PTPRG: variants seen among roughly 807,000 people sequenced by gnomAD.
The protein encoded by PTPRG is protein tyrosine phosphatase receptor type G, also known as receptor-type tyrosine-protein phosphatase gamma.
Under a neutral mutation model 165.3 loss-of-function variants are expected in PTPRG, and 102 were observed. That is an observed-to-expected ratio of 0.62 (90% CI 0.53 to 0.73). The LOEUF is 0.73. Ranked by LOEUF, PTPRG falls within the 30% of genes least tolerant of loss-of-function variation. The pLI is 0.00. For synonymous variants in PTPRG, 675 were observed against 669.5 expected, an observed-to-expected ratio of 1.01 and a Z score of -0.13; for missense variants, 1,866 against 1,861.4, an observed-to-expected ratio of 1.00 and a Z score of -0.05.
chr3:61,740,922 A>G (rs1442691071), intron 1 of PTPRG, among the ~76,000 whole-genome samples: 2 of 152,260 alleles, frequency 1.3e-5, no homozygotes, highest in Admixed American at 1.3e-4. Context: ...AGGACCATTT[A>G]TAATGCAGTG....
intron 2 of PTPRG, among the ~76,000 whole-genome samples, chr3:61,926,471 G>C (rs930756303): frequency 2.6e-5 from 4 of 151,990 alleles, no homozygotes; most frequent in Admixed American, 1.3e-4. Context: ...GGCCTTCCCA[G>C]AAGCCAAGTA....
At chr3:61,738,068 C>T (rs1003749057) in intron 1 of PTPRG, among the ~76,000 whole-genome samples, 2 of 150,032 alleles carry the variant, frequency 1.3e-5, no homozygotes, top group African/African-American at 4.9e-5. Flanking sequence ...GCTACCGCAC[C>T]CGGCTAATTT....
At chr3:61,682,332 G>A (rs1257227593) in intron 1 of PTPRG, among the ~76,000 whole-genome samples, 3 of 152,004 alleles carry the variant, frequency 2.0e-5, no homozygotes, top group Non-Finnish European at 4.4e-5. Context: ...GAGTATTTGG[G>A]GTCCAAGGGG....
chr3:62,010,954 G>A (rs2041407364), intron 4 of PTPRG, among the ~76,000 whole-genome samples: 1 of 152,184 alleles, frequency 6.6e-6, no homozygotes, highest in African/African-American at 2.4e-5. Flanking sequence ...GTGGACACCA[G>A]AGAGTGAGTG....
intron 1 of PTPRG, among the ~76,000 whole-genome samples, chr3:61,624,985 C>T (rs935609218): frequency 6.6e-6 from 1 of 151,926 alleles, no homozygotes; most frequent in African/African-American, 2.4e-5. Context: ...TGGATCTGTC[C>T]AACTTTCTTT....
intron 2 of PTPRG, among the ~76,000 whole-genome samples, chr3:61,767,404 T>C (rs1223517271): frequency 7.2e-5 from 11 of 152,186 alleles, no homozygotes; most frequent in Non-Finnish European, 1.0e-4. Flanking sequence ...ATTTTCCCCA[T>C]GTAGACAAAT....
intron 2 of PTPRG, among the ~76,000 whole-genome samples, chr3:61,942,580 A>G (rs1305628863): frequency 1.3e-5 from 2 of 152,218 alleles, no homozygotes; most frequent in Non-Finnish European, 2.9e-5. Flanking sequence ...GTTATTTGAG[A>G]TAGTTAATGA....
At chr3:62,264,579 G>A (rs555455097) in intron 17 of PTPRG, among the ~76,000 whole-genome samples, 1 of 152,036 alleles carries the variant, frequency 6.6e-6, no homozygotes, top group East Asian at 1.9e-4. Context: ...CTTTAATTTA[G>A]CGCAATGATT....
rs2039757471 is a variant in PTPRG at position 61,946,183 on chromosome 3, CA to C, written c.191-43440del. Among the ~76,000 whole-genome samples the C allele has an allele frequency of 2.0e-5, 3 of 152,282 alleles. No homozygotes were observed. The South Asian group carries it at 6.2e-4, about 32-fold the overall frequency. On this transcript the variant is annotated intron_variant, in intron 2 of 29. Transcript: ENST00000474889. Reference sequence around the variant, plus strand: ...TGTCTTCCTCATACAATCCCAAAGTCAACTTCACCTTCCCTAGCAATAAATA... The same window carrying C: ...TGTCTTCCTCATACAATCCCAAAGTCACTTCACCTTCCCTAGCAATAAATA...
rs1454030236 is a variant in PTPRG, at chr3:61,637,002, T to A, written c.85+74630T>A. Among the ~76,000 whole-genome samples, 5 of 152,210 alleles carry A rather than the reference T, an allele frequency of 3.3e-5. No individual in the cohort carries two copies. The East Asian group carries it at 7.7e-4, about 23-fold the overall frequency. On this transcript the variant is annotated intron_variant, in intron 1 of 29. Coordinates refer to ENST00000474889, the MANE Select transcript of PTPRG (RefSeq NM_002841.4). ...GTTAAATCTCCATTCTCTGTCCTCA[T>A]CCATGTCAGTGATCAGTATACTGAT...
intron 8 of PTPRG, among the ~76,000 whole-genome samples, chr3:62,181,502 G>A (rs1297320839): frequency 6.6e-6 from 1 of 151,794 alleles, no homozygotes; most frequent in African/African-American, 2.4e-5. Flanking sequence ...TTCAAACTAT[G>A]CTCAGTAAGT....
At chr3:61,660,356 G>A (rs563353642) in intron 1 of PTPRG, among the ~76,000 whole-genome samples, 2 of 152,306 alleles carry the variant, frequency 1.3e-5, no homozygotes, top group South Asian at 4.1e-4. Context: ...ACTTCTAAAG[G>A]CAGTACAGAA....
At chr3:61,803,476 G>GGTTCATGTT in intron 2 of PTPRG, among the ~76,000 whole-genome samples, 2 of 111,334 alleles carry the variant, frequency 1.8e-5, no homozygotes, top group East Asian at 7.6e-4. Flanking sequence ...TGGACAACAT[G>GGTTCATGTT]GTTCATGTTG....
intron 5 of PTPRG, among the ~76,000 whole-genome samples, chr3:62,119,932 C>T (rs1033653251): frequency 6.6e-6 from 1 of 151,892 alleles, no homozygotes; most frequent in Admixed American, 6.6e-5. Context: ...CCGTGCCCGG[C>T]CAGATTTATT....
chr3:61,805,957 C>G (rs1305393251), intron 2 of PTPRG, among the ~76,000 whole-genome samples: 17 of 152,032 alleles, frequency 1.1e-4, no homozygotes, highest in Admixed American at 9.2e-4. Context: ...ATTAAGCTCT[C>G]GATCATATTC....
intron 1 of PTPRG, among the ~76,000 whole-genome samples, chr3:61,567,411 C>G (rs1021556303): frequency 1.3e-5 from 2 of 152,158 alleles, no homozygotes; most frequent in African/African-American, 4.8e-5. Context: ...GGCACTGTGG[C>G]TCACTCCTAT....
chr3:62,011,892 G>A (rs1053301649), intron 4 of PTPRG, among the ~76,000 whole-genome samples: 2 of 152,174 alleles, frequency 1.3e-5, no homozygotes, highest in African/African-American at 2.4e-5. Context: ...TCAGTGACAC[G>A]TGGTGTGCTG....
chr3:62,282,894 A>C, intron 28 of PTPRG, 25 bp downstream of exon 28: 2 of 1,574,326 alleles, frequency 1.3e-6, no homozygotes, highest in Admixed American at 1.9e-5. Context: ...CTTAATTTTA[A>C]AATGTAGACC....
intron 2 of PTPRG, among the ~76,000 whole-genome samples, chr3:61,978,189 G>A (rs994028674): frequency 3.3e-5 from 5 of 152,144 alleles, no homozygotes; most frequent in African/African-American, 4.8e-5. Flanking sequence ...ATCTCTTTGC[G>A]TACTAGAGAA....
Sources: allele counts gnomAD v4.1 joint callset (sites outside exome capture counted in the v4.1 genomes callset), GRCh38; gene constraint gnomAD v4.1.1; transcripts MANE v1.5; gene names NCBI Gene and HGNC (gene_info 2026-07-23, HGNC 2026-07-21).